The following TAFA2 variants were observed in gnomAD, a reference collection of about 807,000 sequenced individuals.
The protein encoded by TAFA2 is chemokine-like protein TAFA-2.
Under a neutral mutation model 18.8 loss-of-function variants are expected in TAFA2, and 7 were observed. That is an observed-to-expected ratio of 0.37 (90% CI 0.21 to 0.70). The LOEUF is 0.70. Ranked by LOEUF, TAFA2 falls within the 30% of genes least tolerant of loss-of-function variation. TAFA2 has a pLI of 0.53. For missense variants in TAFA2, 122 were observed against 158.1 expected, an observed-to-expected ratio of 0.77 and a Z score of 1.23; for synonymous variants, 60 against 54.2, an observed-to-expected ratio of 1.11 and a Z score of -0.47.
intron 4 of TAFA2, among the ~76,000 whole-genome samples, chr12:61,745,074 T>TA: frequency 6.6e-6 from 1 of 152,128 alleles, no homozygotes. Flanking sequence ...TAAATATCAC[T>TA]TAGTTTCTGA....
rs140468627 is a variant in TAFA2 at position 61,894,305 on chromosome 12, C to T, written c.-1-26879G>A. ...ATTAAATATAAAAGTTTTGCTAATA[C>T]AAAGTGAAAGTTAATACTGCCAAAC... is the stretch of plus-strand genomic sequence containing the variant. On this transcript the variant is annotated intron_variant, in intron 1 of 4. Transcript: ENST00000416284. Among the ~76,000 whole-genome samples the T allele has an allele frequency of 2.0e-3, 305 of 152,242 alleles. 1 individual carries two copies. Among genetic ancestry groups the T allele is most frequent in the African/African-American group, 7.0e-3 (289 of 41,548 alleles).
At chr12:62,110,797 T>C (rs1288391726) in intron 1 of TAFA2, among the ~76,000 whole-genome samples, 1 of 152,126 alleles carries the variant, frequency 6.6e-6, no homozygotes, top group Non-Finnish European at 1.5e-5. Flanking sequence ...TATAGTATTC[T>C]CTGGTGGTAG....
intron 1 of TAFA2, among the ~76,000 whole-genome samples, chr12:62,101,816 C>A (rs903519010): frequency 1.5e-4 from 23 of 152,148 alleles, no homozygotes; most frequent in African/African-American, 5.5e-4. Context: ...TAGCACTAGC[C>A]AATGGTATAT....
At chr12:62,249,727 G>A (rs778047014) in intron 1 of TAFA2, among the ~76,000 whole-genome samples, 3 of 152,092 alleles carry the variant, frequency 2.0e-5, no homozygotes, top group South Asian at 2.1e-4. Flanking sequence ...CAGATATTTC[G>A]CTGGGTGCAA....
intron 1 of TAFA2, among the ~76,000 whole-genome samples, chr12:61,959,215 G>A (rs1415247345): frequency 1.3e-5 from 2 of 151,662 alleles, no homozygotes; most frequent in Non-Finnish European, 2.9e-5. Flanking sequence ...AAAATTTGTT[G>A]GATTTCTAAA....
intron 2 of TAFA2, among the ~76,000 whole-genome samples, chr12:61,865,899 G>A (rs1037629290): frequency 2.0e-5 from 3 of 148,026 alleles, no homozygotes; most frequent in African/African-American, 7.3e-5. Flanking sequence ...AGGATGGGGA[G>A]TGTTTTCTTG....
At chr12:62,239,612 G>T (rs1225271944) in intron 1 of TAFA2, among the ~76,000 whole-genome samples, 1 of 152,130 alleles carries the variant, frequency 6.6e-6, no homozygotes, top group Non-Finnish European at 1.5e-5. Context: ...TTCTTGGGAT[G>T]CTCCCTCTTT....
chr12:61,886,663 A>G (rs1254668283), intron 1 of TAFA2, among the ~76,000 whole-genome samples: 1 of 152,142 alleles, frequency 6.6e-6, no homozygotes, highest in Non-Finnish European at 1.5e-5. Flanking sequence ...GCTGGAGTTG[A>G]TCACTAAGGG....
rs1214033848 is a variant in TAFA2 at position 61,819,675 on chromosome 12, C to A, written c.106+47645G>T. On this transcript the variant is annotated intron_variant, in intron 2 of 4. Coordinates refer to ENST00000416284, the MANE Select transcript of TAFA2 (RefSeq NM_178539.5). ...ATTATGCAATTAAGAATCCAAAATT[C>A]CACTGCATCCAGATGCCTAATTTGC... 7.2e-5 allele frequency among the ~76,000 whole-genome samples: 11 copies of A among 152,114 alleles called. No individual in the cohort carries two copies. The East Asian group carries it at 2.1e-3, about 29-fold the overall frequency.
intron 1 of TAFA2, among the ~76,000 whole-genome samples, chr12:62,061,029 AG>A (rs771423535): frequency 6.8e-6 from 1 of 147,656 alleles, no homozygotes. Flanking sequence ...AAAAAAAAAA[AG>A]CCTATAAAGT....
chr12:61,947,460 A>T (rs1241881847), intron 1 of TAFA2, among the ~76,000 whole-genome samples: 2 of 151,374 alleles, frequency 1.3e-5, no homozygotes, highest in East Asian at 3.9e-4. Flanking sequence ...AGTATAATTT[A>T]AAAAATAAAT....
At chr12:61,917,679 C>T (rs146341608) in intron 1 of TAFA2, among the ~76,000 whole-genome samples, 44 of 152,154 alleles carry the variant, frequency 2.9e-4, no homozygotes, top group African/African-American at 8.9e-4. Flanking sequence ...GTTAAAGAAG[C>T]GTGGTCACTT....
upstream of TAFA2, among the ~76,000 whole-genome samples, chr12:62,194,802 C>T (rs1183450293): frequency 1.3e-5 from 2 of 152,174 alleles, no homozygotes; most frequent in Non-Finnish European, 2.9e-5. Context: ...TCCAAACCAC[C>T]ACAAATATTG....
chr12:61,982,885 A>G (rs1474648751), intron 1 of TAFA2, among the ~76,000 whole-genome samples: 1 of 146,062 alleles, frequency 6.8e-6, no homozygotes, highest in Non-Finnish European at 1.5e-5. Context: ...GCAAAAAAAA[A>G]AAAAAAAAAG....
At chr12:61,873,409 AT>A (rs1874708008) in intron 1 of TAFA2, among the ~76,000 whole-genome samples, 4 of 152,130 alleles carry the variant, frequency 2.6e-5, no homozygotes, top group Admixed American at 2.6e-4. Flanking sequence ...TTCAAGAAAC[AT>A]GCAGAGAAGG....
intron 1 of TAFA2, among the ~76,000 whole-genome samples, chr12:62,030,338 T>C (rs977042236): frequency 6.6e-6 from 1 of 152,098 alleles, no homozygotes; most frequent in Non-Finnish European, 1.5e-5. Flanking sequence ...ATCATCTATA[T>C]ACATATTTAA....
At chr12:61,734,777 T>C (rs1868277338) in intron 4 of TAFA2, among the ~76,000 whole-genome samples, 1 of 151,988 alleles carries the variant, frequency 6.6e-6, no homozygotes, top group African/African-American at 2.4e-5. Context: ...TAAAGAAATA[T>C]ATACATATAG....
At chr12:61,868,596 A>G (rs1366589160) in intron 1 of TAFA2, among the ~76,000 whole-genome samples, 1 of 152,084 alleles carries the variant, frequency 6.6e-6, no homozygotes, top group East Asian at 1.9e-4. Context: ...CCTCCAAAAC[A>G]TTCTATCTCC....
intron 1 of TAFA2, chr12:62,234,928 G>T (rs2062829620): frequency 1.2e-6 from 1 of 821,990 alleles, no homozygotes; most frequent in Non-Finnish European, 2.1e-6. Flanking sequence ...AGCCACGGAG[G>T]GGGCATAGCC....
Sources: gnomAD v4.1 joint callset for allele counts (sites outside exome capture counted in the v4.1 genomes callset) on GRCh38, gnomAD v4.1.1 for gene constraint, MANE v1.5 for transcripts, NCBI Gene and HGNC (gene_info 2026-07-23, HGNC 2026-07-21) for gene names.